Variants in NRXN3 observed in about 807,000 individuals in gnomAD.
NRXN3 encodes the protein neurexin 3.
A neutral mutation model predicts 137.6 loss-of-function variants in NRXN3; 32 were observed. The ratio of observed to expected loss-of-function variants is 0.23; its 90% confidence interval spans 0.18 to 0.31. The LOEUF (loss-of-function observed/expected upper bound fraction) is 0.31. Ranked by LOEUF, NRXN3 falls within the 10% of genes least tolerant of loss-of-function variation. The probability of loss-of-function intolerance (pLI) is 1.00; values close to 1 mark genes in which losing one functional copy is unlikely to be tolerated. For synonymous variants in NRXN3, 798 were observed against 784.5 expected, an observed-to-expected ratio of 1.02 and a Z score of -0.29; for missense variants, 1,574 against 2,062.5, an observed-to-expected ratio of 0.76 and a Z score of 4.59.
intron 19 of NRXN3, among the ~76,000 whole-genome samples, chr14:79,753,512 T>G (rs1267623365): frequency 7.5e-6 from 1 of 133,046 alleles, no homozygotes; most frequent in African/African-American, 2.9e-5. Context: ...TAGATGGGAA[T>G]TGAACAATGA....
In NRXN3 at chr14:78,405,618, G is replaced by GGGC. The variant is rs386381907; in HGVS notation, c.757+107760_757+107761insCGG. On this transcript the variant is annotated intron_variant, in intron 4 of 20. Coordinates refer to ENST00000335750, the MANE Select transcript of NRXN3 (RefSeq NM_001330195.2). ...AGTGGATGCTGGGGAAGGGGCGGGG[G>GGGC]GGTTCCGGGTATCTGATGAATTCCT... is the stretch of plus-strand genomic sequence containing the variant. 2.9e-4 allele frequency among the ~76,000 whole-genome samples: 41 copies of GGGC among 142,888 alleles called. No homozygotes were observed. The Middle Eastern group carries it at 0.014, about 50-fold the overall frequency. The allele number at this position is 142,888 out of a possible 152,430, so 93.7% of individuals were successfully genotyped here. A position where few individuals can be genotyped will look rare whatever the true frequency, so the allele number is the denominator to read the frequency against.
At chr14:79,150,552 C>G (rs1194512889) in intron 15 of NRXN3, among the ~76,000 whole-genome samples, 1 of 151,994 alleles carries the variant, frequency 6.6e-6, no homozygotes, top group African/African-American at 2.4e-5. Context: ...CACCCCTTCA[C>G]ACTTCCAGCT....
chr14:78,778,698 C>CTTTCT lies in NRXN3; in HGVS notation c.2045-24919_2045-24915dup, dbSNP rs2098753996. On this transcript the variant is annotated intron_variant, in intron 8 of 20. Coordinates refer to ENST00000335750, the MANE Select transcript of NRXN3 (RefSeq NM_001330195.2). ...TTTTCTTTTCTTTCTTTCTTTCTTTCTTTCTTTCTTTCTTTCTTTCTTTCT... is the reference window on the plus strand; with the variant it reads ...TTTTCTTTTCTTTCTTTCTTTCTTTCTTTCTTTTCTTTCTTTCTTTCTTTCTTTCT... Among the ~76,000 whole-genome samples, 7 of 145,128 alleles carry CTTTCT rather than the reference C, an allele frequency of 4.8e-5. No homozygotes were observed. The South Asian group carries it at 1.4e-3, about 28-fold the overall frequency.
At chr14:79,366,053 T>C (rs1368036143) in intron 15 of NRXN3, among the ~76,000 whole-genome samples, 1 of 152,166 alleles carries the variant, frequency 6.6e-6, no homozygotes, top group Non-Finnish European at 1.5e-5. Context: ...CACCTCTGTG[T>C]GTAAAACATA....
rs954045422 is a variant in NRXN3, at chr14:78,847,004, A to G, written c.2275+36660A>G. ...TTGGGTACTTGTCTCTGATGTTACA[A>G]GTTAATCCATACAGTGCACATGTGG... On this transcript the variant is annotated intron_variant, in intron 10 of 20. Transcript: ENST00000335750. Among the ~76,000 whole-genome samples the G allele has an allele frequency of 4.6e-5, 7 of 152,098 alleles. No individual in the cohort carries two copies. The East Asian group carries it at 1.4e-3, about 29-fold the overall frequency.
intron 1 of NRXN3, among the ~76,000 whole-genome samples, chr14:78,198,834 C>A (rs1382016297): frequency 6.6e-6 from 1 of 152,208 alleles, no homozygotes; most frequent in East Asian, 1.9e-4. Context: ...AGAGAGCATT[C>A]AGTCAAACCT....
chr14:78,803,749 C>T lies in NRXN3; in HGVS notation c.2174C>T (p.Thr725Met), dbSNP rs1404679790. Residue 725 changes from threonine to methionine, a missense_variant, in exon 9 of 21, where the codon ACG (threonine) becomes ATG (methionine). Thr to Met is a moderately conservative substitution (Grantham distance 81). This residue lies in a region of NRXN3 where 718 missense variants were observed against 887.6 expected (regional missense o/e 0.81). Transcript: ENST00000335750. ...SQRAYGLLVA[T>M]TSRDSADTLR... ...CGAGCTTATGGGCTGCTGGTGGCTA[C>T]GACCTCCAGGGACTCTGCCGACACC... 9 of 1,614,018 alleles carry T rather than the reference C, an allele frequency of 5.6e-6. No homozygotes were observed. The highest frequency in any genetic ancestry group is 6.8e-6 in the Non-Finnish European group (8 of 1,179,938).
intron 14 of NRXN3, among the ~76,000 whole-genome samples, chr14:78,984,700 G>A (rs1488867853): frequency 1.3e-5 from 2 of 152,302 alleles, no homozygotes; most frequent in Admixed American, 6.5e-5. Flanking sequence ...CCAGTCAGTA[G>A]GTCTGGGTAC....
intron 3 of NRXN3, among the ~76,000 whole-genome samples, chr14:78,285,147 A>G (rs1417560325): frequency 1.3e-5 from 2 of 152,192 alleles, no homozygotes; most frequent in Non-Finnish European, 2.9e-5. Flanking sequence ...CTGAGGCTGT[A>G]TGCTTAGACC....
chr14:79,055,086 C>T (rs1454162172), intron 15 of NRXN3, among the ~76,000 whole-genome samples: 2 of 152,150 alleles, frequency 1.3e-5, no homozygotes, highest in Non-Finnish European at 2.9e-5. Flanking sequence ...ACTCTGGGCT[C>T]CTTCTGTTTC....
chr14:79,739,938 C>A (rs1045386241), intron 19 of NRXN3, among the ~76,000 whole-genome samples: 1 of 152,162 alleles, frequency 6.6e-6, no homozygotes, highest in Non-Finnish European at 1.5e-5. Context: ...GTCTGTTCAC[C>A]CCTTTTTTAA....
At chr14:79,157,994 T>C (rs767707355) in intron 15 of NRXN3, among the ~76,000 whole-genome samples, 7 of 151,786 alleles carry the variant, frequency 4.6e-5, no homozygotes, top group Admixed American at 6.6e-5. Flanking sequence ...GGGATTGTGA[T>C]TGAGTAAAGA....
chr14:78,341,126 A>G (rs1014251287), intron 4 of NRXN3, among the ~76,000 whole-genome samples: 4 of 152,152 alleles, frequency 2.6e-5, no homozygotes, highest in Admixed American at 6.5e-5. Flanking sequence ...TTTATTTTGC[A>G]ACTTTGGTAA....
chr14:78,287,211 T>C (rs2075276784), intron 3 of NRXN3, among the ~76,000 whole-genome samples: 1 of 152,126 alleles, frequency 6.6e-6, no homozygotes, highest in Admixed American at 6.5e-5. Flanking sequence ...ATATCATGAG[T>C]AGTGTGGGAG....
At chr14:78,763,548 G>A (rs904054999) in intron 8 of NRXN3, among the ~76,000 whole-genome samples, 2 of 151,968 alleles carry the variant, frequency 1.3e-5, no homozygotes, top group Non-Finnish European at 2.9e-5. Flanking sequence ...CAAGCACTGT[G>A]TTAAGAGCTT....
At chr14:79,610,477 A>G (rs1482576938) in intron 16 of NRXN3, among the ~76,000 whole-genome samples, 1 of 152,216 alleles carries the variant, frequency 6.6e-6, no homozygotes, top group African/African-American at 2.4e-5. Flanking sequence ...GACAAGAGAG[A>G]AACTAGCATT....
At chr14:79,806,211 G>C (rs1034412433) in intron 20 of NRXN3, among the ~76,000 whole-genome samples, 1 of 151,842 alleles carries the variant, frequency 6.6e-6, no homozygotes, top group Non-Finnish European at 1.5e-5. Flanking sequence ...TTCCTTTTAA[G>C]AAAAGGAAAG....
chr14:78,892,370 G>A (rs968672304), intron 10 of NRXN3, among the ~76,000 whole-genome samples: 9 of 152,042 alleles, frequency 5.9e-5, no homozygotes, highest in African/African-American at 1.9e-4. Flanking sequence ...AGAGAAGAGA[G>A]GAAGTCAACT....
At chr14:78,783,689 T>C (rs773631255) in intron 8 of NRXN3, among the ~76,000 whole-genome samples, 5 of 152,028 alleles carry the variant, frequency 3.3e-5, no homozygotes, top group African/African-American at 4.8e-5. Context: ...TTAAAACAAT[T>C]AAAAAATGAG....
Sources: allele counts gnomAD v4.1 joint callset (sites outside exome capture counted in the v4.1 genomes callset), GRCh38; gene constraint gnomAD v4.1.1; regional missense constraint gnomAD v4.1.1; transcripts MANE v1.5; gene names NCBI Gene and HGNC (gene_info 2026-07-23, HGNC 2026-07-21).